PIH1D2: variants seen among roughly 807,000 people sequenced by gnomAD.
The protein encoded by PIH1D2 is PIH1 domain-containing protein 2.
In PIH1D2, 25 loss-of-function variants were observed where a neutral mutation model predicts 31.2. The observed-to-expected ratio is 0.80, with a 90% CI of 0.58 to 1.12. PIH1D2 has a LOEUF of 1.12. PIH1D2 is among the 50% of genes most tolerant of loss of function. PIH1D2 has a pLI of 0.00. For synonymous variants in PIH1D2, 116 were observed against 119.9 expected (o/e 0.97, Z 0.21); for missense variants, 310 against 356.6 (o/e 0.87, Z 1.05).
At chr11:112,068,878 G>A (rs185120816) in intron 5 of PIH1D2, among the ~76,000 whole-genome samples, 1 of 151,840 alleles carries the variant, frequency 6.6e-6, no homozygotes, top group Admixed American at 6.5e-5. Context: ...CAGCAAGTAA[G>A]GGATAAAATT....
chr11:112,053,274 AT>A, the PIH1D2 span, among the ~76,000 whole-genome samples: 1 of 152,112 alleles, frequency 6.6e-6, no homozygotes, highest in East Asian at 1.9e-4. Flanking sequence ...GTGAACTGAG[AT>A]TGTGCCATTG....
At chr11:112,060,884 G>T (rs587626454), downstream of PIH1D2, among the ~76,000 whole-genome samples, 1 of 152,252 alleles carries the variant, frequency 6.6e-6, no homozygotes, top group South Asian at 2.1e-4. Flanking sequence ...TGTTCATATT[G>T]TAATGGTTGT....
chr11:112,070,177 C>T, intron 5 of PIH1D2: 1 of 587,248 alleles, frequency 1.7e-6, no homozygotes, highest in Non-Finnish European at 3.0e-6. Flanking sequence ...CTTACTTTGG[C>T]CAGTGGAGCG....
chr11:112,057,594 A>C, the PIH1D2 span, among the ~76,000 whole-genome samples: 2 of 152,218 alleles, frequency 1.3e-5, no homozygotes, highest in Non-Finnish European at 2.9e-5. Context: ...CCTTAAGCCA[A>C]AGCTTAATTC....
At chr11:112,070,120 G>A in intron 5 of PIH1D2, 1 of 509,694 alleles carries the variant, frequency 2.0e-6, no homozygotes, top group Non-Finnish European at 3.5e-6. Flanking sequence ...TCCTGTGACT[G>A]TGAGAATACA....
At chr11:112,059,840 T>C (rs1864441427), downstream of PIH1D2, 4 of 1,395,174 alleles carry the variant, frequency 2.9e-6, no homozygotes, top group Admixed American at 2.3e-5. Context: ...TATTCTTGCT[T>C]AACCTGGCAC....
At position 112,071,695 on chromosome 11, in the gene PIH1D2, AT is replaced by A. The variant is rs1865120153; in HGVS notation, c.240del (p.Gln80HisfsTer9). ...GTTAGAGGTACTGGATGAGTGGTTGATTGGGGAGCTGGGATCCTTGTCCACT... is the reference window on the plus strand; with the variant it reads ...GTTAGAGGTACTGGATGAGTGGTTGATGGGGAGCTGGGATCCTTGTCCACT... ...LCQWTRIPAP[Q>X]STTHPVPLTV... On this transcript the variant is annotated frameshift_variant, in exon 3 of 6. Coordinates refer to ENST00000280350, the MANE Select transcript of PIH1D2 (RefSeq NM_138789.4). LOFTEE classifies it high-confidence loss of function. 2 of 1,613,504 alleles carry A rather than the reference AT, an allele frequency of 1.2e-6. No individual in the cohort carries two copies. Among genetic ancestry groups the A allele is most frequent in the Non-Finnish European group, 1.7e-6 (2 of 1,179,532 alleles).
At chr11:112,052,938 A>G in the PIH1D2 span, among the ~76,000 whole-genome samples, 1 of 152,094 alleles carries the variant, frequency 6.6e-6, no homozygotes, top group Non-Finnish European at 1.5e-5. Context: ...ACATACTCCT[A>G]TCACTCAGGA....
Position 112,070,637 on chromosome 11 carries a change from TA to T in PIH1D2, c.611del (p.Leu204TyrfsTer14). On this transcript the variant is annotated frameshift_variant, in exon 5 of 6. Coordinates refer to ENST00000280350, the MANE Select transcript of PIH1D2 (RefSeq NM_138789.4). LOFTEE classifies it high-confidence loss of function. ...MSNPDHFPQL[L>X]LPKDQVSGKA... Reference sequence around the variant, plus strand: ...TGCCTGAAACTTGGTCTTTTGGCAGTAACAGTTGAGGAAAGTGATCTGGATT... The same window carrying T: ...TGCCTGAAACTTGGTCTTTTGGCAGTACAGTTGAGGAAAGTGATCTGGATT... 3 of 1,614,076 alleles carry T rather than the reference TA, an allele frequency of 1.9e-6. No individual in the cohort carries two copies. Among genetic ancestry groups the T allele is most frequent in the South Asian group, 2.2e-5 (2 of 91,084 alleles).
rs781988381 is a variant in PIH1D2 at position 112,073,079 on chromosome 11, C to T, written c.96G>A (p.Lys32=). 6.2e-7 allele frequency: 1 copy of T among 1,614,116 alleles called. No homozygotes were observed. Among genetic ancestry groups the T allele is most frequent in the African/African-American group, 1.3e-5 (1 of 75,046 alleles). Residue 32 remains lysine (K), a synonymous_variant, in exon 2 of 6, where the codon AAG becomes AAA. Transcript: ENST00000280350. Reference sequence around the variant, plus strand: ...CTTCTTTCAGCTGCTGCTGAATAAACTTCTCATAGCCCTCAGGGTCACTCT... The same window carrying T: ...CTTCTTTCAGCTGCTGCTGAATAAATTTCTCATAGCCCTCAGGGTCACTCT... ...LAQSDPEGYE[K]FIQQQLKEGK... is the part of the protein sequence containing the mutation.
At chr11:112,065,332 T>A (rs1256898262), downstream of PIH1D2, among the ~76,000 whole-genome samples, 1 of 152,194 alleles carries the variant, frequency 6.6e-6, no homozygotes, top group Non-Finnish European at 1.5e-5. Context: ...TTTTACCACT[T>A]TAAGTATATT....
the PIH1D2 span, among the ~76,000 whole-genome samples, chr11:112,057,499 T>C: frequency 6.6e-6 from 1 of 152,220 alleles, no homozygotes; most frequent in South Asian, 2.1e-4. Context: ...AACACACGAA[T>C]GATAAGAAAG....
chr11:112,070,920 A>T (rs1865088947), intron 4 of PIH1D2, 118 bp downstream of exon 4: 12 of 1,291,870 alleles, frequency 9.3e-6, no homozygotes, highest in Non-Finnish European at 1.2e-5. Flanking sequence ...TAATATTTGC[A>T]TTTTTCTATC....
chr11:112,060,188 G>A, downstream of PIH1D2: 1 of 806,354 alleles, frequency 1.2e-6, no homozygotes, highest in Non-Finnish European at 1.9e-6. Flanking sequence ...TTTTGAGACG[G>A]AGTCTCTCTG....
intron 5 of PIH1D2, chr11:112,069,944 A>G (rs781893349): frequency 5.8e-6 from 1 of 172,074 alleles, no homozygotes; most frequent in East Asian, 1.5e-4. Flanking sequence ...AGAGGAAGAG[A>G]AAGCAAAATT....
chr11:112,064,236 A>G (rs1864814830), downstream of PIH1D2: 3 of 1,551,110 alleles, frequency 1.9e-6, no homozygotes, highest in Middle Eastern at 1.7e-4. Context: ...AAAAAAAATA[A>G]AAACAGTTGC....
intron 2 of PIH1D2, 69 bp from the exon 3 acceptor site, chr11:112,071,827 T>C (rs1592753608): frequency 6.5e-7 from 1 of 1,541,770 alleles, no homozygotes; most frequent in Non-Finnish European, 8.9e-7. Context: ...GCATGGTGGC[T>C]CCCGCCTGTA....
At chr11:112,054,512 G>A in the PIH1D2 span, among the ~76,000 whole-genome samples, 1 of 152,142 alleles carries the variant, frequency 6.6e-6, no homozygotes, top group Non-Finnish European at 1.5e-5. Context: ...CTACGTATAT[G>A]TGAATTCTTT....
chr11:112,065,564 G>T (rs1864890445), downstream of PIH1D2, among the ~76,000 whole-genome samples: 1 of 152,064 alleles, frequency 6.6e-6, no homozygotes, highest in Admixed American at 6.6e-5. Flanking sequence ...TACAGTTCCA[G>T]AAATTTTTCA....
Sources: allele counts gnomAD v4.1 joint callset (sites outside exome capture counted in the v4.1 genomes callset), GRCh38; gene constraint gnomAD v4.1.1; transcripts MANE v1.5; gene names NCBI Gene and HGNC (gene_info 2026-07-23, HGNC 2026-07-21).